GARNL3: variants seen among roughly 807,000 people sequenced by gnomAD.
The protein encoded by GARNL3 is GTPase-activating Rap/Ran-GAP domain-like protein 3.
Under a neutral mutation model 125.0 loss-of-function variants are expected in GARNL3, and 63 were observed. The ratio of observed to expected loss-of-function variants is 0.50; its 90% CI spans 0.41 to 0.62. The LOEUF is 0.62. GARNL3 is among the 20% of genes least tolerant of loss of function. GARNL3 has a pLI of 0.00. For synonymous variants in GARNL3, 439 were observed against 457.5 expected (o/e 0.96, Z 0.52); for missense variants, 994 against 1,244.0 (o/e 0.80, Z 3.02).
chr9:127,277,705 A>G (rs887027579), intron 1 of GARNL3, among the ~76,000 whole-genome samples: 5 of 151,930 alleles, frequency 3.3e-5, no homozygotes, highest in Non-Finnish European at 7.4e-5. Flanking sequence ...TTTACCCACC[A>G]TTGCCCAGGC....
intron 1 of GARNL3, among the ~76,000 whole-genome samples, chr9:127,279,113 T>C (rs757809267): frequency 1.2e-4 from 19 of 152,148 alleles, no homozygotes; most frequent in Non-Finnish European, 2.5e-4. Context: ...TTTTGCCCTT[T>C]AGTGTTCTGA....
In GARNL3 at chr9:127,266,664, A is replaced by T. The variant is rs1301681282; in HGVS notation, c.144+1643A>T. Among the ~76,000 whole-genome samples, 2 of 152,208 alleles carry T rather than the reference A, an allele frequency of 1.3e-5. No individual in the cohort carries two copies. The highest frequency in any genetic ancestry group is 4.8e-5 in the African/African-American group (2 of 41,446). On this transcript the variant is annotated intron_variant, in intron 1 of 27. Coordinates refer to ENST00000373387, the MANE Select transcript of GARNL3 (RefSeq NM_032293.5). This position sits in a 1 kb window ranked among gnomAD's most constrained non-coding sequence, Gnocchi z 4.0. ...TCTACCTTAGAGGGTTGTTATGAGG[A>T]TTAAATGAGATCATGTACATAAAGT...
chr9:127,293,014 A>G (rs2064471270), intron 2 of GARNL3, among the ~76,000 whole-genome samples: 1 of 152,184 alleles, frequency 6.6e-6, no homozygotes, highest in Admixed American at 6.5e-5. Context: ...ATATAATATC[A>G]AGGATCGAAT....
intron 1 of GARNL3, among the ~76,000 whole-genome samples, chr9:127,286,288 C>T (rs1460475556): frequency 2.0e-5 from 3 of 152,196 alleles, no homozygotes; most frequent in Non-Finnish European, 2.9e-5. Flanking sequence ...CTCAGACTGC[C>T]TTCCTGTCTT....
rs1242015995 is a variant in GARNL3 at position 127,365,345 on chromosome 9, G to C, written c.2140G>C (p.Gly714Arg). Reference protein sequence around the residue: ...AIDVYEDGEAGLLLCYNYSCI... With the variant: ...AIDVYEDGEARLLLCYNYSCI... Reference sequence around the variant, plus strand: ...TGATGTGTACGAAGATGGAGAAGCTGGTTTGCTGTTGTGTTACAACTGTAA... The same window carrying C: ...TGATGTGTACGAAGATGGAGAAGCTCGTTTGCTGTTGTGTTACAACTGTAA... The change falls in exon 22 of 28, where the codon GGT (glycine) becomes CGT (arginine). Residue 714 changes from glycine (G) to arginine (R), a missense_variant. Transcript: ENST00000373387. 6.2e-7 allele frequency: 1 copy of C among 1,613,700 alleles called. No individual in the cohort carries two copies. Among genetic ancestry groups the C allele is most frequent in the Non-Finnish European group, 8.5e-7 (1 of 1,179,722 alleles).
chr9:127,226,928 A>G (rs779448053), intron 1 of GARNL3, among the ~76,000 whole-genome samples: 8 of 152,232 alleles, frequency 5.3e-5, no homozygotes, highest in Non-Finnish European at 1.2e-4. Flanking sequence ...TGCATGGAGC[A>G]GCGCTGTCCC....
At position 127,280,592 on chromosome 9, in the gene GARNL3, C is replaced by T. The variant is rs1333006; in HGVS notation, c.145-10576C>T. Among the ~76,000 whole-genome samples, 15 of 152,230 alleles carry T rather than the reference C, an allele frequency of 9.9e-5. 1 individual carries two copies. Among genetic ancestry groups the T allele is most frequent in the African/African-American group, 1.4e-4 (6 of 41,518 alleles). ...CGTTTCTCGATTCTTCTCCATTGGCCGTATAGTAAGTAGAAAATGTCTTGA... is the reference window on the plus strand; with the variant it reads ...CGTTTCTCGATTCTTCTCCATTGGCTGTATAGTAAGTAGAAAATGTCTTGA... On this transcript the variant is annotated intron_variant, in intron 1 of 27. Transcript: ENST00000373387. This position sits in a 1 kb window ranked among gnomAD's most constrained non-coding sequence, Gnocchi z 4.5.
At chr9:127,381,763 ATT>A (rs58674413) in intron 22 of GARNL3, among the ~76,000 whole-genome samples, 112 of 142,342 alleles carry the variant, frequency 7.9e-4, no homozygotes, top group African/African-American at 9.9e-4. Context: ...CGCCCGGCTA[ATT>A]TTTTTTTTTT....
In GARNL3 at chr9:127,316,384, A is replaced by T. The variant is rs554769647; in HGVS notation, c.439-1679A>T. 7.9e-5 allele frequency among the ~76,000 whole-genome samples: 12 copies of T among 152,290 alleles called. No individual in the cohort carries two copies. The East Asian group carries it at 1.5e-3, about 20-fold the overall frequency. On this transcript the variant is annotated intron_variant, in intron 4 of 27. Transcript: ENST00000373387. The stretch of plus-strand genomic sequence containing the variant: ...TAGTGAGACCCTGCCTGCTACAAAA[A>T]AAAAATAAAAATAAAACTGCCTTTG...
upstream of GARNL3, among the ~76,000 whole-genome samples, chr9:127,261,943 G>A (rs376268300): frequency 1.3e-5 from 2 of 152,264 alleles, no homozygotes; most frequent in East Asian, 3.9e-4. Flanking sequence ...TCAGCCAAGA[G>A]GAGACAGTGC....
chr9:127,374,390 A>T (rs1831777918), intron 22 of GARNL3, among the ~76,000 whole-genome samples: 1 of 152,232 alleles, frequency 6.6e-6, no homozygotes, highest in Non-Finnish European at 1.5e-5. Flanking sequence ...ACTACATGAA[A>T]AACCTAAAAC....
At chr9:127,336,364 G>T in intron 11 of GARNL3, 128 bp downstream of exon 11, 1 of 600,378 alleles carries the variant, frequency 1.7e-6, no homozygotes, top group Non-Finnish European at 2.9e-6. Context: ...CTCACTTTTG[G>T]GGAATTTTTC....
upstream of GARNL3, chr9:127,264,311 G>C (rs1564859871): frequency 4.2e-6 from 1 of 235,390 alleles, no homozygotes; most frequent in African/African-American, 2.3e-5. Flanking sequence ...TTTGAAATCT[G>C]ATTTAAGCCT....
intron 21 of GARNL3, among the ~76,000 whole-genome samples, chr9:127,360,510 C>A (rs1239477043): frequency 6.6e-6 from 1 of 152,094 alleles, no homozygotes; most frequent in Non-Finnish European, 1.5e-5. Flanking sequence ...TACTGTCTGT[C>A]TGGGGAGATG....
At chr9:127,366,451 GGC>G (rs1831292204) in intron 22 of GARNL3, among the ~76,000 whole-genome samples, 1 of 152,168 alleles carries the variant, frequency 6.6e-6, no homozygotes, top group Non-Finnish European at 1.5e-5. Context: ...CCATGGGCCA[GGC>G]CACTGCCACT....
chr9:127,258,783 C>A (rs1240626177), upstream of GARNL3, among the ~76,000 whole-genome samples: 1 of 152,222 alleles, frequency 6.6e-6, no homozygotes, highest in East Asian at 1.9e-4. Flanking sequence ...GGGCTCCCTA[C>A]AAGCCTAAAA....
At chr9:127,315,782 G>A (rs1564911230) in intron 4 of GARNL3, among the ~76,000 whole-genome samples, 1 of 151,964 alleles carries the variant, frequency 6.6e-6, no homozygotes, top group Non-Finnish European at 1.5e-5. Context: ...AAAATGATTT[G>A]TACTTATTTT....
At chr9:127,278,316 A>C (rs975321985) in intron 1 of GARNL3, among the ~76,000 whole-genome samples, 6 of 152,222 alleles carry the variant, frequency 3.9e-5, no homozygotes, top group Non-Finnish European at 7.3e-5. Context: ...TTAAAAACAA[A>C]GTATAGTCTT....
At position 127,266,354 on chromosome 9, in the gene GARNL3, A is replaced by G. The variant is rs990860065; in HGVS notation, c.144+1333A>G. 2.0e-5 allele frequency among the ~76,000 whole-genome samples: 3 copies of G among 152,220 alleles called. No individual in the cohort carries two copies. Among genetic ancestry groups the G allele is most frequent in the African/African-American group, 7.2e-5 (3 of 41,470 alleles). ...TAGACAGTAGGTATGAGCTAACAGT[A>G]TGATTCCTGGCAATGCCGTGTCCCA... On this transcript the variant is annotated intron_variant, in intron 1 of 27. Coordinates refer to ENST00000373387, the MANE Select transcript of GARNL3 (RefSeq NM_032293.5). This position sits in a 1 kb window ranked among gnomAD's most constrained non-coding sequence, Gnocchi z 4.0.
Sources: allele counts gnomAD v4.1 joint callset (sites outside exome capture counted in the v4.1 genomes callset), GRCh38; gene constraint gnomAD v4.1.1; non-coding constraint Gnocchi (gnomAD v3.1); transcripts MANE v1.5; gene names NCBI Gene and HGNC (gene_info 2026-07-23, HGNC 2026-07-21).